The following LRRC28 variants were observed in gnomAD, a reference collection of about 807,000 sequenced individuals.
LRRC28 encodes the protein leucine rich repeat containing 28, also known as leucine-rich repeat-containing protein 28.
Under a neutral mutation model 45.7 loss-of-function variants are expected in LRRC28, and 39 were observed. The observed-to-expected ratio is 0.85, with a 90% CI of 0.66 to 1.12. The LOEUF is 1.12. LRRC28 is among the 50% of genes most tolerant of loss of function. The pLI is 0.00. For synonymous variants in LRRC28, 206 were observed against 178.8 expected, an observed-to-expected ratio of 1.15 and a Z score of -1.22; for missense variants, 435 against 438.5, an observed-to-expected ratio of 0.99 and a Z score of 0.07.
chr15:99,327,798 G>A (rs1208737800), intron 5 of LRRC28, among the ~76,000 whole-genome samples: 1 of 151,722 alleles, frequency 6.6e-6, no homozygotes, highest in Non-Finnish European at 1.5e-5. Flanking sequence ...TCTAAAGGTG[G>A]AAGCTTAGGA....
intron 2 of LRRC28, chr15:99,258,260 A>C (rs565313312): frequency 1.3e-6 from 2 of 1,577,274 alleles, no homozygotes; most frequent in East Asian, 2.2e-5. Flanking sequence ...TGTCACTTCA[A>C]AACACAACAA....
At chr15:99,377,897 T>C (rs1597466126) in intron 9 of LRRC28, among the ~76,000 whole-genome samples, 1 of 152,190 alleles carries the variant, frequency 6.6e-6, no homozygotes, top group Non-Finnish European at 1.5e-5. Flanking sequence ...GTTCCATTGG[T>C]CTATAGCTCT....
At chr15:99,289,939 C>CAAAAAAAAAAAAA (rs398028517) in intron 5 of LRRC28, among the ~76,000 whole-genome samples, 2 of 49,714 alleles carry the variant, frequency 4.0e-5, no homozygotes, top group East Asian at 1.0e-3. Context: ...GACTCCGTCT[C>CAAAAAAAAAAAAA]AAAAAAAAAA....
Position 99,361,418 on chromosome 15 carries a change from G to C in LRRC28, c.778G>C (p.Val260Leu), listed in dbSNP as rs954042349. The change falls in exon 8 of 10, where the codon GTG (valine) becomes CTG (leucine). Residue 260 changes from valine to leucine, a missense_variant. Physicochemically the swap from Val to Leu is conservative, Grantham distance 32. Coordinates refer to ENST00000301981, the MANE Select transcript of LRRC28 (RefSeq NM_144598.5). ...GCGAACCGTTTTCCTCCCAGCTGAG[G>C]TGAAGGCCATAGGGACGGAGCATGA... ...GQRTVFLPAE[V>L]KAIGTEHDHV... 6 of 1,613,886 alleles carry C rather than the reference G, an allele frequency of 3.7e-6. No individual in the cohort carries two copies. The African/African-American group carries it at 8.0e-5, about 22-fold the overall frequency.
chr15:99,309,610 T>C (rs1355101355), intron 5 of LRRC28, among the ~76,000 whole-genome samples: 3 of 152,178 alleles, frequency 2.0e-5, no homozygotes, highest in African/African-American at 4.8e-5. Context: ...GGTTTCATCA[T>C]GTTGGCCAGG....
At chr15:99,328,443 GA>G (rs1956055330) in intron 5 of LRRC28, among the ~76,000 whole-genome samples, 1 of 152,060 alleles carries the variant, frequency 6.6e-6, no homozygotes, top group South Asian at 2.1e-4. Context: ...ATGTTAGGTG[GA>G]ACTATTACCT....
At chr15:99,306,080 A>G (rs1955171199) in intron 5 of LRRC28, among the ~76,000 whole-genome samples, 1 of 152,244 alleles carries the variant, frequency 6.6e-6, no homozygotes, top group Admixed American at 6.5e-5. Flanking sequence ...ATTGCACAAT[A>G]TTAGGCTACA....
intron 6 of LRRC28, among the ~76,000 whole-genome samples, chr15:99,350,231 GATGTTTTGCT>G: frequency 6.6e-6 from 1 of 152,086 alleles, no homozygotes; most frequent in Non-Finnish European, 1.5e-5. Flanking sequence ...TTAAAAACGT[GATGTTTTGCT>G]TCCTATGGGG....
At chr15:99,260,068 G>T in intron 2 of LRRC28, 3 of 528,708 alleles carry the variant, frequency 5.7e-6, no homozygotes, top group South Asian at 5.5e-5. Flanking sequence ...AATGTGAAAT[G>T]TAAGTCATTT....
chr15:99,375,138 T>C (rs1158306880), intron 9 of LRRC28, among the ~76,000 whole-genome samples: 2 of 152,212 alleles, frequency 1.3e-5, no homozygotes, highest in East Asian at 1.9e-4. Flanking sequence ...CTTTATTAAA[T>C]TAAGGAAGAT....
intron 6 of LRRC28, among the ~76,000 whole-genome samples, chr15:99,341,958 G>C (rs936067788): frequency 3.3e-5 from 5 of 152,136 alleles, no homozygotes; most frequent in Admixed American, 2.6e-4. Flanking sequence ...ACATAGTGCA[G>C]CTGAGCAAGC....
intron 3 of LRRC28, chr15:99,287,007 T>A: frequency 2.8e-6 from 1 of 356,936 alleles, no homozygotes; most frequent in Non-Finnish European, 5.1e-6. Context: ...CCATTATGTA[T>A]GCTTTTATTT....
chr15:99,299,729 C>G (rs11247078), intron 5 of LRRC28, among the ~76,000 whole-genome samples: 14,751 of 152,208 alleles, frequency 0.097, 1,013 homozygotes, highest in East Asian at 0.33. Flanking sequence ...TGAACCCCCC[C>G]ACTCAATGTG....
intron 2 of LRRC28, among the ~76,000 whole-genome samples, chr15:99,266,737 A>G (rs774337647): frequency 2.6e-5 from 4 of 152,256 alleles, no homozygotes; most frequent in East Asian, 1.9e-4. Context: ...ATATTCATCA[A>G]TAATGGATTT....
intron 6 of LRRC28, 32 bp from the exon 7 acceptor site, chr15:99,352,337 T>C: frequency 7.0e-7 from 1 of 1,426,888 alleles, no homozygotes; most frequent in South Asian, 1.2e-5. Flanking sequence ...TGCCTGTATA[T>C]AGGAATTACA....
intron 5 of LRRC28, among the ~76,000 whole-genome samples, chr15:99,329,371 A>G (rs1013114014): frequency 2.6e-5 from 4 of 152,244 alleles, no homozygotes; most frequent in African/African-American, 9.6e-5. Context: ...TGAAAATGCA[A>G]GTAAAAAATA....
At position 99,387,060 on chromosome 15, in the gene LRRC28, G is replaced by A. The variant is rs527279825; in HGVS notation, c.*958G>A. 2.0e-5 allele frequency: 3 copies of A among 149,864 alleles called. No individual in the cohort carries two copies. The highest frequency in any genetic ancestry group is 4.4e-5 in the Non-Finnish European group (3 of 67,742). 9.3% of individuals were successfully genotyped at this position (149,864 alleles called of 1,614,324 possible). On this transcript the variant is annotated 3_prime_UTR_variant, in exon 10 of 10. Transcript: ENST00000301981. ...AAGGCTTCAGCTACTTCCACTACTG[G>A]TTTTTTTTTGTTGTTGTTGAGACGG...
At chr15:99,265,644 G>T (rs528199365) in intron 2 of LRRC28, among the ~76,000 whole-genome samples, 1 of 152,270 alleles carries the variant, frequency 6.6e-6, no homozygotes, top group South Asian at 2.1e-4. Context: ...AAACTCTAAA[G>T]TTCCTCAAGG....
At chr15:99,269,164 A>T (rs1410545378) in intron 2 of LRRC28, among the ~76,000 whole-genome samples, 1 of 152,214 alleles carries the variant, frequency 6.6e-6, no homozygotes, top group Non-Finnish European at 1.5e-5. Context: ...GCCAGAAAAC[A>T]TTTGTAGATT....
Sources: gnomAD v4.1 joint callset for allele counts (sites outside exome capture counted in the v4.1 genomes callset) on GRCh38, gnomAD v4.1.1 for gene constraint, MANE v1.5 for transcripts, NCBI Gene and HGNC (gene_info 2026-07-23, HGNC 2026-07-21) for gene names.